The following CCDC18 variants were observed in gnomAD, a reference collection of about 807,000 sequenced individuals.
The protein encoded by CCDC18 is coiled-coil domain-containing protein 18.
In CCDC18, 157 loss-of-function variants were observed where a neutral mutation model predicts 196.0. That is an observed-to-expected ratio of 0.80 (90% CI 0.70 to 0.91). The LOEUF is 0.91. Ranked by LOEUF, CCDC18 falls within the 40% of genes least tolerant of loss-of-function variation. The pLI, the probability that CCDC18 is intolerant of heterozygous loss-of-function variation, is 0.00. For missense variants in CCDC18, 1,465 were observed against 1,611.6 expected (o/e 0.91, Z 1.56); for synonymous variants, 482 against 529.2 (o/e 0.91, Z 1.22).
intron 9 of CCDC18, among the ~76,000 whole-genome samples, chr1:93,210,022 G>A (rs1191322526): frequency 2.0e-5 from 3 of 152,034 alleles, no homozygotes; most frequent in Admixed American, 1.3e-4. Flanking sequence ...ATGATCATAA[G>A]CTCCAGTCTG....
intron 24 of CCDC18, among the ~76,000 whole-genome samples, chr1:93,255,935 T>C (rs1225699868): frequency 6.6e-6 from 1 of 152,164 alleles, no homozygotes; most frequent in Non-Finnish European, 1.5e-5. Context: ...AACCCAGCTG[T>C]GTGGATTAAA....
In CCDC18 at chr1:93,216,287, G is replaced by T. The variant is rs573900899; in HGVS notation, c.1720-349G>T. Among the ~76,000 whole-genome samples the T allele has an allele frequency of 3.9e-5, 6 of 152,292 alleles. No individual in the cohort carries two copies. The South Asian group carries it at 1.0e-3, about 26-fold the overall frequency. On this transcript the variant is annotated intron_variant, in intron 12 of 28. Coordinates refer to ENST00000690025, the MANE Select transcript of CCDC18 (RefSeq NM_001378204.1). Reference sequence around the variant, plus strand: ...AAATAACTGCTGATAACATTTTATTGTACTTATTTCAGTCTTTAACAGCTA... The same window carrying T: ...AAATAACTGCTGATAACATTTTATTTTACTTATTTCAGTCTTTAACAGCTA...
Position 93,254,504 on chromosome 1 carries a change from A to C in CCDC18, c.3232A>C (p.Lys1078Gln). 1 of 1,597,366 alleles carries C rather than the reference A, an allele frequency of 6.3e-7. No homozygotes were observed. The part of the protein sequence containing the change: ...ESLNDKLQNA[K>Q]EQLREKEFIM... ...TCTGAATGACAAATTACAAAATGCT[A>C]AAGAACAGCTTCGAGAAAAAGAGTT... Residue 1078 changes from lysine (K) to glutamine (Q), a missense_variant, in exon 24 of 29, where the codon AAA (lysine) becomes CAA (glutamine). Coordinates refer to ENST00000690025, the MANE Select transcript of CCDC18 (RefSeq NM_001378204.1).
chr1:93,271,399 C>CT, intron 28 of CCDC18: 2 of 985,270 alleles, frequency 2.0e-6, no homozygotes, highest in South Asian at 9.4e-5. Context: ...TATCCCTCTT[C>CT]TTTTTTAGAG....
chr1:93,248,072 G>A (rs1257204760), intron 23 of CCDC18, among the ~76,000 whole-genome samples: 1 of 131,604 alleles, frequency 7.6e-6, no homozygotes, highest in Non-Finnish European at 1.5e-5. Context: ...CTAGAGTGCA[G>A]TGGCTTGATC....
At chr1:93,239,968 T>C (rs1660553085) in intron 21 of CCDC18, 72 bp downstream of exon 21, 6 of 1,064,724 alleles carry the variant, frequency 5.6e-6, no homozygotes, top group Admixed American at 2.3e-5. Context: ...TGTTGTTGCA[T>C]TCTAGACGTC....
Position 93,254,482 on chromosome 1 carries a change from G to A in CCDC18, c.3210G>A (p.Leu1070=). 1.3e-6 allele frequency: 2 copies of A among 1,579,710 alleles called. No individual in the cohort carries two copies. ...LKECNKQIES[L]NDKLQNAKEQ... Reference sequence around the variant, plus strand: ...TGTTTAAAATTCAGATAGAAAGTCTGAATGACAAATTACAAAATGCTAAAG... The same window carrying A: ...TGTTTAAAATTCAGATAGAAAGTCTAAATGACAAATTACAAAATGCTAAAG... The change falls in exon 24 of 29, where the codon CTG becomes CTA. Residue 1070 remains leucine, a synonymous_variant. Coordinates refer to ENST00000690025, the MANE Select transcript of CCDC18 (RefSeq NM_001378204.1).
At chr1:93,215,529 T>G (rs942869778) in intron 12 of CCDC18, among the ~76,000 whole-genome samples, 2 of 151,902 alleles carry the variant, frequency 1.3e-5, no homozygotes, top group Non-Finnish European at 2.9e-5. Context: ...TGATCATAGC[T>G]CACTGTAGCT....
chr1:93,238,824 G>A (rs1660390927), intron 19 of CCDC18, among the ~76,000 whole-genome samples: 1 of 152,032 alleles, frequency 6.6e-6, no homozygotes, highest in Non-Finnish European at 1.5e-5. Context: ...TGTAAAGCAG[G>A]GAAGTTGCAC....
chr1:93,217,568 T>C (rs1370898537), intron 13 of CCDC18, among the ~76,000 whole-genome samples, 170 bp from the exon 14 acceptor site: 2 of 152,144 alleles, frequency 1.3e-5, no homozygotes, highest in African/African-American at 4.8e-5. Flanking sequence ...CCAGAAGCTA[T>C]GACCACAGGC....
At chr1:93,263,404 G>A (rs1336470367) in intron 26 of CCDC18, among the ~76,000 whole-genome samples, 5 of 151,908 alleles carry the variant, frequency 3.3e-5, no homozygotes, top group Non-Finnish European at 7.4e-5. Context: ...GCATATGACT[G>A]TACACTTTCA....
At chr1:93,196,565 A>T (rs1225692878) in intron 6 of CCDC18, among the ~76,000 whole-genome samples, 7 of 152,204 alleles carry the variant, frequency 4.6e-5, no homozygotes. Flanking sequence ...ACATAAGAAA[A>T]ATAACACAAT....
intron 14 of CCDC18, 26 bp downstream of exon 14, chr1:93,217,895 A>C: frequency 6.4e-7 from 1 of 1,558,728 alleles, no homozygotes. Context: ...TTAGAATATG[A>C]GTGCTGAAAA....
intron 18 of CCDC18, among the ~76,000 whole-genome samples, chr1:93,233,912 G>A (rs1659625326): frequency 6.6e-6 from 1 of 151,386 alleles, no homozygotes; most frequent in Admixed American, 6.6e-5. Flanking sequence ...TTTTTTTCAA[G>A]AGACATCTTC....
upstream of CCDC18, chr1:93,180,598 T>G: frequency 1.5e-6 from 2 of 1,367,864 alleles, no homozygotes; most frequent in Non-Finnish European, 1.9e-6. Context: ...CGGGCTCCGC[T>G]AGTGGGCTCG....
upstream of CCDC18, chr1:93,180,020 A>C (rs1649247886): frequency 1.9e-6 from 3 of 1,598,126 alleles, no homozygotes; most frequent in Non-Finnish European, 2.6e-6. Flanking sequence ...CAGCTGGGTT[A>C]AAGGAAGGAG....
At chr1:93,207,555 T>C (rs1483154062) in intron 9 of CCDC18, among the ~76,000 whole-genome samples, 157 bp downstream of exon 9, 1 of 152,158 alleles carries the variant, frequency 6.6e-6, no homozygotes, top group Non-Finnish European at 1.5e-5. Flanking sequence ...TTTTTTTTCC[T>C]GCACTTACCA....
chr1:93,223,214 T>C (rs1210904390), intron 16 of CCDC18, among the ~76,000 whole-genome samples: 1 of 152,194 alleles, frequency 6.6e-6, no homozygotes, highest in Non-Finnish European at 1.5e-5. Context: ...TATTTCCGTG[T>C]GTTAATAGCC....
At position 93,231,179 on chromosome 1, in the gene CCDC18, C is replaced by T. The variant is rs565167873; in HGVS notation, c.2293-1247C>T. On this transcript the variant is annotated intron_variant, in intron 17 of 28. Coordinates refer to ENST00000690025, the MANE Select transcript of CCDC18 (RefSeq NM_001378204.1). The stretch of plus-strand genomic sequence containing the variant: ...AAAGAAGCAAGTCGTGATTCTCTTC[C>T]GCTATTTACTATAAGGAGTTTAAAT... Among the ~76,000 whole-genome samples, 6 of 152,106 alleles carry T rather than the reference C, an allele frequency of 3.9e-5. No homozygotes were observed. In the South Asian group the frequency reaches 8.3e-4, roughly 21 times the overall value.
Sources: gnomAD v4.1 joint callset for allele counts (sites outside exome capture counted in the v4.1 genomes callset) on GRCh38, gnomAD v4.1.1 for gene constraint, MANE v1.5 for transcripts, NCBI Gene and HGNC (gene_info 2026-07-23, HGNC 2026-07-21) for gene names.